Variants in ITSN1 observed in about 807,000 individuals in gnomAD.
The protein encoded by ITSN1 is intersectin 1.
Under a neutral mutation model 239.8 loss-of-function variants are expected in ITSN1, and 58 were observed. The observed-to-expected ratio is 0.24, with a 90% CI of 0.20 to 0.30. ITSN1 has a LOEUF of 0.30. Ranked by LOEUF, ITSN1 falls within the 10% of genes least tolerant of loss-of-function variation. The pLI, the probability that ITSN1 is intolerant of heterozygous loss-of-function variation, is 1.00. For missense variants in ITSN1, 1,558 were observed against 2,103.3 expected, an observed-to-expected ratio of 0.74 and a Z score of 5.07; for synonymous variants, 780 against 770.8, an observed-to-expected ratio of 1.01 and a Z score of -0.20.
chr21:33,883,322 T>C (rs1985236132), intron 35 of ITSN1, among the ~76,000 whole-genome samples: 1 of 152,236 alleles, frequency 6.6e-6, no homozygotes, highest in Non-Finnish European at 1.5e-5. Flanking sequence ...TGGGATTCTT[T>C]ACTGGAAAAC....
intron 20 of ITSN1, among the ~76,000 whole-genome samples, chr21:33,808,174 A>G (rs2072611970): frequency 6.6e-6 from 1 of 151,522 alleles, no homozygotes. Flanking sequence ...CACCTGGGCG[A>G]CAGAGCGAGA....
intron 11 of ITSN1, among the ~76,000 whole-genome samples, chr21:33,768,101 A>G (rs2068848941): frequency 6.6e-6 from 1 of 152,180 alleles, no homozygotes; most frequent in Non-Finnish European, 1.5e-5. Flanking sequence ...AATTATGTAA[A>G]TGTTATCCAT....
intron 29 of ITSN1, chr21:33,838,142 T>C: frequency 1.0e-6 from 1 of 985,564 alleles, no homozygotes; most frequent in Non-Finnish European, 1.2e-6. Context: ...CCTGTTTGTC[T>C]TTTAAACACT....
chr21:33,722,543 T>TG (rs2065555763), intron 3 of ITSN1, 45 bp from the exon 4 acceptor site: 2 of 1,527,110 alleles, frequency 1.3e-6, no homozygotes, highest in Middle Eastern at 2.0e-4. Context: ...TGTCAGCTGT[T>TG]GTTTTTTTTT....
At position 33,860,283 on chromosome 21, in the gene ITSN1, G is replaced by A. The variant is rs1980224394; in HGVS notation, c.3890+1491G>A. Among the ~76,000 whole-genome samples, 5 of 151,024 alleles carry A rather than the reference G, an allele frequency of 3.3e-5. No individual in the cohort carries two copies. The South Asian group carries it at 1.0e-3, about 32-fold the overall frequency. On this transcript the variant is annotated intron_variant, in intron 31 of 39. Transcript: ENST00000381318. ...GATCGCACCACTGCACTCCAGCCTG[G>A]GCCACGGGAGTGAAACCCTGTCTCA...
At chr21:33,809,246 G>C (rs2072711680) in intron 20 of ITSN1, among the ~76,000 whole-genome samples, 1 of 152,196 alleles carries the variant, frequency 6.6e-6, no homozygotes, top group African/African-American at 2.4e-5. Flanking sequence ...ACCTTTGGAA[G>C]TGTTATTGCA....
Position 33,819,231 on chromosome 21 carries a change from A to G in ITSN1, c.2934-10A>G, listed in dbSNP as rs1398809148. On this transcript the variant is annotated splice_polypyrimidine_tract_variant and intron_variant, in intron 23 of 39. Transcript: ENST00000381318. ...AAAAATTAAAATACTCTCTTCTTCCATTATTGCAGCATGGATTCTGGTTCT... is the reference window on the plus strand; with the variant it reads ...AAAAATTAAAATACTCTCTTCTTCCGTTATTGCAGCATGGATTCTGGTTCT... The G allele has an allele frequency of 1.9e-6, 3 of 1,601,852 alleles. No individual in the cohort carries two copies. Among genetic ancestry groups the G allele is most frequent in the South Asian group, 1.1e-5 (1 of 90,518 alleles).
chr21:33,769,720 T>G (rs530102763), intron 11 of ITSN1, among the ~76,000 whole-genome samples: 1 of 152,008 alleles, frequency 6.6e-6, no homozygotes. Flanking sequence ...TTGAGACGGT[T>G]GTTTCGCTCT....
At position 33,864,310 on chromosome 21, in the gene ITSN1, T is replaced by A. The variant is rs149509266; in HGVS notation, c.3891-841T>A. On this transcript the variant is annotated intron_variant, in intron 31 of 39. Coordinates refer to ENST00000381318, the MANE Select transcript of ITSN1 (RefSeq NM_003024.3). Reference sequence around the variant, plus strand: ...ATAGCTGAACACACCCATGGCTTCATGTTGTGGTCCTGCCATGTAGTACCT... The same window carrying A: ...ATAGCTGAACACACCCATGGCTTCAAGTTGTGGTCCTGCCATGTAGTACCT... Among the ~76,000 whole-genome samples the A allele has an allele frequency of 2.0e-3, 308 of 152,334 alleles. 1 individual carries two copies. The highest frequency in any genetic ancestry group is 7.2e-3 in the African/African-American group (301 of 41,578).
intron 16 of ITSN1, among the ~76,000 whole-genome samples, chr21:33,792,685 G>C (rs1287213259): frequency 6.6e-6 from 1 of 152,142 alleles, no homozygotes; most frequent in Non-Finnish European, 1.5e-5. Flanking sequence ...ACTTTAAACA[G>C]TCAGTGTGAG....
chr21:33,797,817 C>T lies in ITSN1; in HGVS notation c.2182+209C>T, dbSNP rs763899520. On this transcript the variant is annotated intron_variant, in intron 18 of 39. Transcript: ENST00000381318. The surrounding 1 kb of genome is among the most constrained non-coding windows in gnomAD (Gnocchi z 4.9). ...CACCACCATGCCAGCCTCTGGCCCA[C>T]GTTACACTGGCATCCACGAGTCCTC... Among the ~76,000 whole-genome samples the T allele has an allele frequency of 6.6e-6, 1 of 152,082 alleles. No individual in the cohort carries two copies. The highest frequency in any genetic ancestry group is 2.4e-5 in the African/African-American group (1 of 41,402).
chr21:33,735,304 A>G (rs1473381434), intron 5 of ITSN1, 100 bp downstream of exon 5: 2 of 1,259,538 alleles, frequency 1.6e-6, no homozygotes, highest in Non-Finnish European at 2.3e-6. Context: ...ATGAAATTCT[A>G]GGAGGTAATT....
intron 27 of ITSN1, among the ~76,000 whole-genome samples, chr21:33,833,078 C>T (rs913855114): frequency 6.6e-6 from 1 of 151,660 alleles, no homozygotes; most frequent in Admixed American, 6.6e-5. Context: ...TGGTGGTGTA[C>T]AGAAGGGTAG....
chr21:33,882,954 A>G lies in ITSN1; in HGVS notation c.4554+499A>G, dbSNP rs1207151340. The stretch of plus-strand genomic sequence containing the variant: ...GTTTATATGGTCTGCTCATACGTGC[A>G]TGGCTGTGTTTGTGTGTCTTTGTGT... On this transcript the variant is annotated intron_variant, in intron 35 of 39. Transcript: ENST00000381318. The surrounding 1 kb of genome is among the most constrained non-coding windows in gnomAD (Gnocchi z 4.5). Among the ~76,000 whole-genome samples the G allele has an allele frequency of 6.6e-6, 1 of 152,154 alleles. No individual in the cohort carries two copies. The highest frequency in any genetic ancestry group is 1.5e-5 in the Non-Finnish European group (1 of 68,038).
At chr21:33,783,486 C>T (rs1223161367) in intron 16 of ITSN1, among the ~76,000 whole-genome samples, 2 of 152,038 alleles carry the variant, frequency 1.3e-5, no homozygotes, top group Non-Finnish European at 2.9e-5. Flanking sequence ...TGCTTTCATG[C>T]TTACATGGTG....
At chr21:33,817,198 A>C in intron 22 of ITSN1, 25 of 1,278,044 alleles carry the variant, frequency 2.0e-5, no homozygotes, top group Non-Finnish European at 2.5e-5. Context: ...CTATAGCTTA[A>C]AAGATAATAA....
intron 1 of ITSN1, among the ~76,000 whole-genome samples, chr21:33,664,343 G>T (rs1285800846): frequency 6.6e-6 from 1 of 152,122 alleles, no homozygotes; most frequent in Non-Finnish European, 1.5e-5. Context: ...GCTAGAGAGT[G>T]CAGAGGTCAC....
At chr21:33,767,174 A>G (rs896005415) in intron 10 of ITSN1, among the ~76,000 whole-genome samples, 2 of 152,090 alleles carry the variant, frequency 1.3e-5, no homozygotes, top group Admixed American at 6.5e-5. Flanking sequence ...GTCTCAAAAA[A>G]TAAAATAAAA....
chr21:33,697,436 T>C (rs1375090159), intron 1 of ITSN1, among the ~76,000 whole-genome samples: 2 of 152,068 alleles, frequency 1.3e-5, no homozygotes, highest in African/African-American at 2.4e-5. Context: ...GATGACAACA[T>C]TTTGTTTTCC....
Sources: allele counts gnomAD v4.1 joint callset (sites outside exome capture counted in the v4.1 genomes callset), GRCh38; gene constraint gnomAD v4.1.1; non-coding constraint Gnocchi (gnomAD v3.1); transcripts MANE v1.5; gene names NCBI Gene and HGNC (gene_info 2026-07-23, HGNC 2026-07-21).